RANBP9: variants seen among roughly 807,000 people sequenced by gnomAD.
RANBP9 encodes the protein ran-binding protein 9.
In RANBP9, 15 loss-of-function variants were observed where a neutral mutation model predicts 84.3. The observed-to-expected ratio is 0.18, with a 90% CI of 0.12 to 0.27. The LOEUF is 0.27. Among genes scored for constraint, RANBP9 ranks in the 10% least tolerant of loss-of-function variants. The pLI is 1.00. For synonymous variants in RANBP9, 392 were observed against 349.6 expected, an observed-to-expected ratio of 1.12 and a Z score of -1.35; for missense variants, 809 against 912.8, an observed-to-expected ratio of 0.89 and a Z score of 1.46.
At chr6:13,692,673 G>A (rs1451093290) in intron 2 of RANBP9, among the ~76,000 whole-genome samples, 2 of 151,272 alleles carry the variant, frequency 1.3e-5, no homozygotes, top group African/African-American at 4.9e-5. Context: ...GCAACAGGGT[G>A]AAACCCCATC....
intron 2 of RANBP9, among the ~76,000 whole-genome samples, chr6:13,679,699 A>C (rs1765984129): frequency 6.6e-6 from 1 of 152,198 alleles, no homozygotes; most frequent in African/African-American, 2.4e-5. Context: ...GCAACTTTAA[A>C]TCACACAAAT....
intron 2 of RANBP9, among the ~76,000 whole-genome samples, chr6:13,675,065 T>C (rs1227695414): frequency 6.6e-6 from 1 of 152,202 alleles, no homozygotes; most frequent in African/African-American, 2.4e-5. Context: ...TCCACAGCTA[T>C]AACTGAAGAC....
intron 11 of RANBP9, among the ~76,000 whole-genome samples, chr6:13,633,656 T>A (rs1764852577): frequency 6.6e-6 from 1 of 152,208 alleles, no homozygotes; most frequent in Admixed American, 6.5e-5. Context: ...GTACTTAAAT[T>A]ACTCTTCAGA....
chr6:13,627,661 T>G (rs1425978627), intron 12 of RANBP9, among the ~76,000 whole-genome samples: 1 of 145,426 alleles, frequency 6.9e-6, no homozygotes, highest in Admixed American at 6.9e-5. Flanking sequence ...AAAATCACGT[T>G]ATTTTTAAGG....
At chr6:13,710,237 G>A (rs1037199473) in intron 1 of RANBP9, among the ~76,000 whole-genome samples, 1 of 152,020 alleles carries the variant, frequency 6.6e-6, no homozygotes, top group Non-Finnish European at 1.5e-5. Flanking sequence ...TTCCATCTTC[G>A]TTTTCAACAA....
chr6:13,710,578 G>A (rs1028158483), intron 1 of RANBP9, among the ~76,000 whole-genome samples: 1 of 152,108 alleles, frequency 6.6e-6, no homozygotes, highest in Non-Finnish European at 1.5e-5. Flanking sequence ...ACCCAACTCC[G>A]AGTCCATGGA....
At chr6:13,635,507 A>C (rs1764915385) in intron 10 of RANBP9, among the ~76,000 whole-genome samples, 1 of 152,118 alleles carries the variant, frequency 6.6e-6, no homozygotes, top group African/African-American at 2.4e-5. Context: ...TAGAAAAAAA[A>C]ACACAGATGA....
At chr6:13,704,448 C>G (rs540702249) in intron 1 of RANBP9, among the ~76,000 whole-genome samples, 1 of 152,128 alleles carries the variant, frequency 6.6e-6, no homozygotes, top group Non-Finnish European at 1.5e-5. Flanking sequence ...GGCAACATGG[C>G]AAAACCCCCT....
At chr6:13,647,009 C>G (rs771513888) in intron 5 of RANBP9, among the ~76,000 whole-genome samples, 11 of 152,138 alleles carry the variant, frequency 7.2e-5, no homozygotes, top group Non-Finnish European at 1.0e-4. Flanking sequence ...CAGATTAAGA[C>G]TTGAAAGGCT....
chr6:13,651,786 A>T (rs1295829962), intron 5 of RANBP9, among the ~76,000 whole-genome samples: 1 of 152,054 alleles, frequency 6.6e-6, no homozygotes, highest in East Asian at 1.9e-4. Context: ...ATGTCTTTGT[A>T]TTTCACTCAG....
intron 7 of RANBP9, 36 bp from the exon 8 acceptor site, chr6:13,641,343 C>T: frequency 7.6e-7 from 1 of 1,320,852 alleles, no homozygotes; most frequent in South Asian, 1.3e-5. Flanking sequence ...TTAACTTTTA[C>T]AAAAGTAGAT....
intron 2 of RANBP9, among the ~76,000 whole-genome samples, chr6:13,695,531 T>C (rs1213922688): frequency 6.6e-6 from 1 of 151,546 alleles, no homozygotes; most frequent in African/African-American, 2.4e-5. Flanking sequence ...AGCTAAGATG[T>C]AGCATTAGAT....
chr6:13,695,680 C>G (rs188001573), intron 2 of RANBP9, among the ~76,000 whole-genome samples: 5 of 152,066 alleles, frequency 3.3e-5, no homozygotes, highest in Non-Finnish European at 7.4e-5. Flanking sequence ...CAATATGGGC[C>G]TCTCTCAACC....
At position 13,634,423 on chromosome 6, in the gene RANBP9, C is replaced by T; in HGVS notation, c.1795+8G>A. 2 of 1,612,842 alleles carry T rather than the reference C, an allele frequency of 1.2e-6. No homozygotes were observed. The highest frequency in any genetic ancestry group is 1.7e-6 in the Non-Finnish European group (2 of 1,179,294). On this transcript the variant is annotated splice_region_variant and intron_variant, in intron 11 of 13. Transcript: ENST00000011619. Reference sequence around the variant, plus strand: ...TTTATTAAAAATGTAAGAAATATCACTGCAGACCCATTTCGGTGTCACAAT... The same window carrying T: ...TTTATTAAAAATGTAAGAAATATCATTGCAGACCCATTTCGGTGTCACAAT...
At chr6:13,649,623 C>T (rs1291069094) in intron 5 of RANBP9, among the ~76,000 whole-genome samples, 1 of 152,042 alleles carries the variant, frequency 6.6e-6, no homozygotes, top group African/African-American at 2.4e-5. Context: ...TCTCAAAAGC[C>T]CATCCCCTCA....
intron 1 of RANBP9, among the ~76,000 whole-genome samples, chr6:13,704,439 G>A (rs977617443): frequency 6.6e-6 from 1 of 151,976 alleles, no homozygotes; most frequent in Non-Finnish European, 1.5e-5. Flanking sequence ...ACCAGCCTGG[G>A]CAACATGGCA....
chr6:13,681,276 T>A (rs971995181), intron 2 of RANBP9, among the ~76,000 whole-genome samples: 2 of 151,974 alleles, frequency 1.3e-5, no homozygotes, highest in African/African-American at 4.8e-5. Context: ...GAGGAGGGTT[T>A]GAGATAAAGG....
At chr6:13,659,738 T>A (rs1765498538) in intron 2 of RANBP9, among the ~76,000 whole-genome samples, 1 of 152,064 alleles carries the variant, frequency 6.6e-6, no homozygotes, top group Non-Finnish European at 1.5e-5. Context: ...TCCAATAAAA[T>A]AAGAATAAAA....
At chr6:13,687,423 G>A (rs773399022) in intron 2 of RANBP9, among the ~76,000 whole-genome samples, 6 of 151,922 alleles carry the variant, frequency 3.9e-5, no homozygotes, top group Non-Finnish European at 8.8e-5. Flanking sequence ...AGGAATTTGA[G>A]GCTGCAGTGA....
Sources: gnomAD v4.1 joint callset for allele counts (sites outside exome capture counted in the v4.1 genomes callset) on GRCh38, gnomAD v4.1.1 for gene constraint, MANE v1.5 for transcripts, NCBI Gene and HGNC (gene_info 2026-07-23, HGNC 2026-07-21) for gene names.